SGCZ: variants seen among roughly 807,000 people sequenced by gnomAD.
SGCZ encodes the protein sarcoglycan zeta.
A neutral mutation model predicts 41.3 loss-of-function variants in SGCZ; 40 were observed. The observed-to-expected ratio is 0.97, with a 90% confidence interval of 0.75 to 1.26. The LOEUF (loss-of-function observed/expected upper bound fraction) is 1.26. Ranked by LOEUF, SGCZ falls within the 50% of genes most tolerant of loss-of-function variation. The pLI, the probability that SGCZ is intolerant of heterozygous loss-of-function variation, is 0.00. For missense variants in SGCZ, 552 were observed against 369.8 expected, an observed-to-expected ratio of 1.49 and a Z score of -4.04; for synonymous variants, 206 against 137.5, an observed-to-expected ratio of 1.50 and a Z score of -3.49.
intron 7 of SGCZ, among the ~76,000 whole-genome samples, chr8:14,097,930 T>C (rs1402802817): frequency 6.6e-6 from 1 of 151,922 alleles, no homozygotes; most frequent in Non-Finnish European, 1.5e-5. Context: ...TTTATTTGAC[T>C]CTCCCATTGC....
intron 3 of SGCZ, among the ~76,000 whole-genome samples, chr8:14,301,054 C>G (rs1000948225): frequency 1.6e-5 from 2 of 125,130 alleles, no homozygotes; most frequent in South Asian, 5.0e-4. Context: ...CTTAGAAACA[C>G]AAGAAAATCA....
chr8:15,197,781 A>C (rs571238608), intron 1 of SGCZ, among the ~76,000 whole-genome samples: 1 of 152,086 alleles, frequency 6.6e-6, no homozygotes, highest in Admixed American at 6.6e-5. Context: ...TATAAATATT[A>C]TACTGCAGTT....
chr8:15,037,874 T>C (rs559529365), intron 1 of SGCZ, among the ~76,000 whole-genome samples: 1 of 152,246 alleles, frequency 6.6e-6, no homozygotes, highest in East Asian at 1.9e-4. Flanking sequence ...ATCCCATTTA[T>C]AATGGCTCAA....
intron 3 of SGCZ, among the ~76,000 whole-genome samples, chr8:14,245,922 G>A (rs1184700573): frequency 6.6e-6 from 1 of 152,158 alleles, no homozygotes; most frequent in Non-Finnish European, 1.5e-5. Context: ...AGTTAGAATG[G>A]CAATCATTAA....
At chr8:15,052,395 AGGGTGGT>A (rs2058524647) in intron 1 of SGCZ, among the ~76,000 whole-genome samples, 1 of 152,166 alleles carries the variant, frequency 6.6e-6, no homozygotes, top group South Asian at 2.1e-4. Flanking sequence ...AAAGTGAGTG[AGGGTGGT>A]GGGTGGACTG....
At chr8:14,253,412 C>A (rs1298393813) in intron 3 of SGCZ, among the ~76,000 whole-genome samples, 1 of 151,940 alleles carries the variant, frequency 6.6e-6, no homozygotes, top group Admixed American at 6.6e-5. Context: ...CAAGTTTCAT[C>A]CAGAAAAAGA....
At chr8:14,880,687 GCAAACTAT>G (rs1369396361) in intron 1 of SGCZ, among the ~76,000 whole-genome samples, 1 of 152,188 alleles carries the variant, frequency 6.6e-6, no homozygotes, top group Admixed American at 6.5e-5. Context: ...ATCATTCTCA[GCAAACTAT>G]CACAAAGACA....
intron 1 of SGCZ, among the ~76,000 whole-genome samples, chr8:15,225,277 T>G (rs17121152): frequency 2.6e-5 from 4 of 151,908 alleles, no homozygotes; most frequent in African/African-American, 9.7e-5. Context: ...AAGCGTACAA[T>G]GCAGCTAAAT....
At chr8:14,946,210 C>T (rs1346342736) in intron 1 of SGCZ, among the ~76,000 whole-genome samples, 1 of 150,318 alleles carries the variant, frequency 6.7e-6, no homozygotes. Context: ...ATATGCAGAA[C>T]CATGAAGCCT....
chr8:14,167,050 C>A (rs56123472), intron 4 of SGCZ, among the ~76,000 whole-genome samples: 51,052 of 151,908 alleles, frequency 0.34, 8,785 homozygotes, highest in Middle Eastern at 0.45. Context: ...ATTGATAGTA[C>A]ATAAATATTC....
chr8:15,129,395 T>C (rs1351446188), intron 1 of SGCZ, among the ~76,000 whole-genome samples: 1 of 152,118 alleles, frequency 6.6e-6, no homozygotes, highest in Non-Finnish European at 1.5e-5. Flanking sequence ...CTCAAACTCA[T>C]TCAATTCATA....
chr8:14,503,710 G>A (rs1431847633), intron 2 of SGCZ, among the ~76,000 whole-genome samples: 1 of 151,804 alleles, frequency 6.6e-6, no homozygotes, highest in Non-Finnish European at 1.5e-5. Context: ...GGAGGTTGCA[G>A]TGAGCCGAGA....
At chr8:15,193,776 T>C (rs1427908677) in intron 1 of SGCZ, among the ~76,000 whole-genome samples, 1 of 152,224 alleles carries the variant, frequency 6.6e-6, no homozygotes, top group African/African-American at 2.4e-5. Flanking sequence ...TAATTTTTCA[T>C]GGGTGGTACC....
intron 1 of SGCZ, among the ~76,000 whole-genome samples, chr8:15,194,605 G>C (rs1307496103): frequency 6.6e-6 from 1 of 152,150 alleles, no homozygotes; most frequent in Non-Finnish European, 1.5e-5. Context: ...AAGAAGGTCA[G>C]AGTCAGAAAA....
At chr8:14,205,118 A>G (rs549936774) in intron 4 of SGCZ, among the ~76,000 whole-genome samples, 91 of 152,242 alleles carry the variant, frequency 6.0e-4, no homozygotes, top group African/African-American at 2.1e-3. Flanking sequence ...ACTTCTCAAA[A>G]TACATGCATC....
At chr8:15,021,979 T>C (rs796613693) in intron 1 of SGCZ, among the ~76,000 whole-genome samples, 27 of 152,302 alleles carry the variant, frequency 1.8e-4, no homozygotes, top group African/African-American at 6.3e-4. Flanking sequence ...ATAACATAAA[T>C]AGAAACATAA....
At chr8:14,799,221 A>G (rs1476459904) in intron 1 of SGCZ, among the ~76,000 whole-genome samples, 1 of 152,156 alleles carries the variant, frequency 6.6e-6, no homozygotes, top group Non-Finnish European at 1.5e-5. Flanking sequence ...CATCATAGTA[A>G]TTTAAAATAA....
At chr8:15,074,427 G>A (rs1805459412) in intron 1 of SGCZ, among the ~76,000 whole-genome samples, 1 of 152,088 alleles carries the variant, frequency 6.6e-6, no homozygotes, top group Admixed American at 6.6e-5. Context: ...ATGGGCTCCT[G>A]ACTGCTGTAG....
chr8:14,573,095 T>C (rs1047592091), intron 1 of SGCZ, among the ~76,000 whole-genome samples: 13 of 152,156 alleles, frequency 8.5e-5, no homozygotes, highest in African/African-American at 3.1e-4. Context: ...AGTTATTATA[T>C]GTGGCAAGTG....
Sources: gnomAD v4.1 joint callset for allele counts (sites outside exome capture counted in the v4.1 genomes callset) on GRCh38, gnomAD v4.1.1 for gene constraint, MANE v1.5 for transcripts, NCBI Gene and HGNC (gene_info 2026-07-23, HGNC 2026-07-21) for gene names.